DNM1: variants seen among roughly 807,000 people sequenced by gnomAD.
DNM1 encodes dynamin 1.
A neutral mutation model predicts 104.6 loss-of-function variants in DNM1; 29 were observed. That is an observed-to-expected ratio of 0.28 (90% CI 0.21 to 0.38). The LOEUF (loss-of-function observed/expected upper bound fraction) is 0.38. DNM1 is among the 10% of genes least tolerant of loss of function. The pLI is 1.00. For missense variants in DNM1, 640 were observed against 1,189.4 expected (o/e 0.54, Z 6.79); for synonymous variants, 445 against 475.8 (o/e 0.94, Z 0.84).
Position 128,203,612 on chromosome 9 carries a change from C to T in DNM1, c.142C>T (p.Leu48Phe). The change falls in exon 1 of 22, where the codon CTC becomes TTC. Residue 48 changes from leucine to phenylalanine, a missense_variant. Leu to Phe is a conservative substitution (Grantham distance 22, BLOSUM62 0). Around this residue, in one of 7 missense-constraint regions of DNM1, gnomAD observed 172 missense variants for 335.3 expected, o/e 0.51. Coordinates refer to ENST00000372923, the MANE Select transcript of DNM1 (RefSeq NM_004408.4). This position sits in a 1 kb window ranked among gnomAD's most constrained non-coding sequence, Gnocchi z 5.3. ...CCAGAGCGCCGGCAAGAGCTCGGTGCTCGAGAATTTCGTAGGCAGGTAGGC... is the reference window on the plus strand; with the variant it reads ...CCAGAGCGCCGGCAAGAGCTCGGTGTTCGAGAATTTCGTAGGCAGGTAGGC... ...GGQSAGKSSVLENFVGRDFLP... is the reference protein window; with the variant it reads ...GGQSAGKSSVFENFVGRDFLP... The T allele has an allele frequency of 6.5e-7, 1 of 1,542,420 alleles. No individual in the cohort carries two copies. Among genetic ancestry groups the T allele is most frequent in the Non-Finnish European group, 8.7e-7 (1 of 1,149,912 alleles).
chr9:128,210,857 T>C (rs1195352900), intron 1 of DNM1, among the ~76,000 whole-genome samples: 3 of 149,762 alleles, frequency 2.0e-5, no homozygotes, highest in African/African-American at 7.3e-5. Flanking sequence ...CCTCCTCTCC[T>C]CTTCCTGGGC....
At chr9:128,236,251 A>G (rs1019970896) in intron 11 of DNM1, among the ~76,000 whole-genome samples, 2 of 152,138 alleles carry the variant, frequency 1.3e-5, no homozygotes, top group Admixed American at 6.6e-5. Flanking sequence ...GCCCTCACGG[A>G]GCTCGGAGGC....
Position 128,224,160 on chromosome 9 carries a change from A to T in DNM1, c.1197-91A>T. On this transcript the variant is annotated intron_variant, in intron 9 of 21. Coordinates refer to ENST00000372923, the MANE Select transcript of DNM1 (RefSeq NM_004408.4). This position sits in a 1 kb window ranked among gnomAD's most constrained non-coding sequence, Gnocchi z 4.3. ...GGTAGTGGAAGGGCCCCTCAGGCAG[A>T]GTTCGTGGGCTTGGGGAGGAGCCTC... is the stretch of plus-strand genomic sequence containing the variant. 1 of 1,495,248 alleles carries T rather than the reference A, an allele frequency of 6.7e-7. No homozygotes were observed. The highest frequency in any genetic ancestry group is 9.0e-7 in the Non-Finnish European group (1 of 1,116,062). The allele number at this position is 1,495,248 out of a possible 1,614,324, so 92.6% of individuals were successfully genotyped here. A position where few individuals can be genotyped will look rare whatever the true frequency, so the allele number is the denominator to read the frequency against.
In DNM1 at chr9:128,220,736, C is replaced by CGT. The variant is rs1454078651; in HGVS notation, c.849+396_849+397insTG. 3.9e-5 allele frequency among the ~76,000 whole-genome samples: 4 copies of CGT among 102,106 alleles called. No homozygotes were observed. The highest frequency in any genetic ancestry group is 5.7e-5 in the Non-Finnish European group (3 of 52,718). The allele number at this position is 102,106 out of a possible 152,430, so 67.0% of individuals were successfully genotyped here. A position where few individuals can be genotyped will look rare whatever the true frequency, so the allele number is the denominator to read the frequency against. ...GGCATCCAGAACTGAAGTGCGCGCGCGCGCGCGTGTGTGTGTGTGTGTGTG... is the reference window on the plus strand; with the variant it reads ...GGCATCCAGAACTGAAGTGCGCGCGCGTGCGCGCGTGTGTGTGTGTGTGTGTG... On this transcript the variant is annotated intron_variant, in intron 6 of 21. Coordinates refer to ENST00000372923, the MANE Select transcript of DNM1 (RefSeq NM_004408.4). This position sits in a 1 kb window ranked among gnomAD's most constrained non-coding sequence, Gnocchi z 5.2.
At chr9:128,238,466 C>T (rs540635383) in intron 11 of DNM1, among the ~76,000 whole-genome samples, 14 of 151,986 alleles carry the variant, frequency 9.2e-5, no homozygotes, top group Non-Finnish European at 1.6e-4. Context: ...TCAGGTGATC[C>T]GCCCACTTCG....
intron 11 of DNM1, among the ~76,000 whole-genome samples, chr9:128,235,147 A>G (rs747126851): frequency 6.6e-6 from 1 of 152,110 alleles, no homozygotes; most frequent in Non-Finnish European, 1.5e-5. Flanking sequence ...GTCATACAGT[A>G]TCTGTCACTT....
At position 128,203,416 on chromosome 9, in the gene DNM1, G is replaced by C. The variant is rs1833606288; in HGVS notation, c.-55G>C. 1.5e-6 allele frequency: 2 copies of C among 1,369,420 alleles called. No homozygotes were observed. The highest frequency in any genetic ancestry group is 3.4e-5 in the Admixed American group (1 of 29,152). The allele number at this position is 1,369,420 out of a possible 1,614,324, so 84.8% of individuals were successfully genotyped here. On this transcript the variant is annotated 5_prime_UTR_variant, in exon 1 of 22. Transcript: ENST00000372923. This position sits in a 1 kb window ranked among gnomAD's most constrained non-coding sequence, Gnocchi z 5.3. ...CGGCTGCAGCGGCGGAGCCGGAGTC[G>C]GAGCCGGGAGCGCTAGCGGCAGCCG...
In DNM1 at chr9:128,203,677, C is replaced by T; in HGVS notation, c.161+46C>T. 1 of 1,444,660 alleles carries T rather than the reference C, an allele frequency of 6.9e-7. No homozygotes were observed. The highest frequency in any genetic ancestry group is 1.3e-5 in the South Asian group (1 of 75,322). The allele number at this position is 1,444,660 out of a possible 1,614,324, so 89.5% of individuals were successfully genotyped here. On this transcript the variant is annotated intron_variant, in intron 1 of 21. Transcript: ENST00000372923. The surrounding 1 kb of genome is among the most constrained non-coding windows in gnomAD (Gnocchi z 5.3). ...GGCGCCGACCCCCGACCCCCGGGAT[C>T]CCTGGAGTCCCCGCCCGGGGCACTG... is the stretch of plus-strand genomic sequence containing the variant.
chr9:128,225,956 C>T, intron 10 of DNM1: 2 of 1,384,024 alleles, frequency 1.4e-6, no homozygotes, highest in Non-Finnish European at 1.0e-6. Flanking sequence ...GGATTCCTGT[C>T]TCTGCTTGGC....
chr9:128,209,263 G>A (rs1178951193), intron 1 of DNM1, among the ~76,000 whole-genome samples: 1 of 152,130 alleles, frequency 6.6e-6, no homozygotes. Context: ...ACACCCCACC[G>A]TGGCCCAGAG....
chr9:128,219,420 G>A (rs899121209), intron 4 of DNM1, among the ~76,000 whole-genome samples, 168 bp downstream of exon 4: 1 of 152,254 alleles, frequency 6.6e-6, no homozygotes, highest in African/African-American at 2.4e-5. Context: ...TGTAATCCCA[G>A]CACTTTGGGA....
intron 15 of DNM1, 40 bp from the exon 16 acceptor site, chr9:128,246,354 A>T: frequency 7.2e-7 from 1 of 1,386,602 alleles, no homozygotes; most frequent in Non-Finnish European, 1.0e-6. Context: ...GGCAGAGAAC[A>T]GTGCCAACCT....
intron 1 of DNM1, among the ~76,000 whole-genome samples, chr9:128,207,687 C>T (rs1045229997): frequency 2.5e-4 from 38 of 152,162 alleles, no homozygotes; most frequent in African/African-American, 8.9e-4. Flanking sequence ...CTGCTATTTC[C>T]TCATCTGTAA....
intron 20 of DNM1, 83 bp from the exon 21 acceptor site, chr9:128,250,642 A>G: frequency 8.2e-7 from 1 of 1,212,152 alleles, no homozygotes; most frequent in Non-Finnish European, 1.1e-6. Flanking sequence ...GGGCGTGGCC[A>G]GCACTGGGCT....
At chr9:128,232,638 G>C (rs1414586481) in intron 10 of DNM1, 6 of 152,682 alleles carry the variant, frequency 3.9e-5, no homozygotes, top group Admixed American at 3.3e-4. Flanking sequence ...CCCACCTGAA[G>C]GGCCTGACCC....
chr9:128,244,820 G>C (rs1365602590), intron 15 of DNM1: 1 of 533,446 alleles, frequency 1.9e-6, no homozygotes, highest in East Asian at 5.5e-5. Flanking sequence ...CGGAGTGGAG[G>C]TGTCCTCTGG....
Position 128,248,392 on chromosome 9 carries a change from G to A in DNM1, c.1906-191G>A. ...TTCTAGGCACTAGAGTCAGAACCAA[G>A]ACAAGGCTGAATCAGGGGAGTCTAG... On this transcript the variant is annotated intron_variant, in intron 18 of 21. Coordinates refer to ENST00000372923, the MANE Select transcript of DNM1 (RefSeq NM_004408.4). This position sits in a 1 kb window ranked among gnomAD's most constrained non-coding sequence, Gnocchi z 5.6. The A allele has an allele frequency of 1.7e-6, 1 of 596,438 alleles. No homozygotes were observed. Among genetic ancestry groups the A allele is most frequent in the Non-Finnish European group, 2.9e-6 (1 of 344,902 alleles). 36.9% of individuals were successfully genotyped at this position (596,438 alleles called of 1,614,324 possible). A position where few individuals can be genotyped will look rare whatever the true frequency, so the allele number is the denominator to read the frequency against.
In DNM1 at chr9:128,248,609, C is replaced by T. The variant is rs750934085; in HGVS notation, c.1932C>T (p.Ser644=). The T allele has an allele frequency of 6.8e-6, 11 of 1,613,810 alleles. No homozygotes were observed. Among genetic ancestry groups the T allele is most frequent in the Middle Eastern group, 1.6e-4 (1 of 6,078 alleles). ...CCAGCGAGACCGAGGAGAATGGCTC[C>T]GACAGCTTCATGCATTCCATGGACC... ...EKASETEENG[S]DSFMHSMDPQ... Residue 644 remains serine, a synonymous_variant, in exon 19 of 22, where the codon TCC becomes TCT. Coordinates refer to ENST00000372923, the MANE Select transcript of DNM1 (RefSeq NM_004408.4). The surrounding 1 kb of genome is among the most constrained non-coding windows in gnomAD (Gnocchi z 5.6).
At chr9:128,209,378 G>C (rs1185267294) in intron 1 of DNM1, among the ~76,000 whole-genome samples, 1 of 152,202 alleles carries the variant, frequency 6.6e-6, no homozygotes, top group Non-Finnish European at 1.5e-5. Context: ...ACCCAGGGAA[G>C]GGGGTGCAGG....
Sources: allele counts gnomAD v4.1 joint callset (sites outside exome capture counted in the v4.1 genomes callset), GRCh38; gene constraint gnomAD v4.1.1; regional missense constraint gnomAD v4.1.1; non-coding constraint Gnocchi (gnomAD v3.1); transcripts MANE v1.5; gene names NCBI Gene and HGNC (gene_info 2026-07-23, HGNC 2026-07-21).